EPG5: variants seen among roughly 807,000 people sequenced by gnomAD.
The protein encoded by EPG5 is ectopic P granules protein 5 homolog.
A neutral mutation model predicts 302.7 loss-of-function variants in EPG5; 159 were observed. The ratio of observed to expected loss-of-function variants is 0.53; its 90% CI spans 0.46 to 0.60. The LOEUF (loss-of-function observed/expected upper bound fraction) is 0.60. Ranked by LOEUF, EPG5 falls within the 20% of genes least tolerant of loss-of-function variation. The probability of loss-of-function intolerance (pLI) is 0.00; values close to 1 mark genes in which losing one functional copy is unlikely to be tolerated. For missense variants in EPG5, 2,896 were observed against 3,092.4 expected (o/e 0.94, Z 1.51); for synonymous variants, 1,158 against 1,136.8 (o/e 1.02, Z -0.37).
intron 11 of EPG5, among the ~76,000 whole-genome samples, chr18:45,932,946 C>T (rs1372674656): frequency 2.6e-5 from 4 of 151,822 alleles, no homozygotes; most frequent in Non-Finnish European, 5.9e-5. Context: ...AGCTGTTTGA[C>T]ATCGGCTCCA....
intron 2 of EPG5, 65 bp downstream of exon 2, chr18:45,954,329 G>T: frequency 1.4e-6 from 2 of 1,441,754 alleles, no homozygotes; most frequent in Non-Finnish European, 1.9e-6. Context: ...ACAGACTCCA[G>T]ACCTGGACAA....
At chr18:45,802,306 A>G in the EPG5 span, among the ~76,000 whole-genome samples, 11 of 152,138 alleles carry the variant, frequency 7.2e-5, no homozygotes, top group African/African-American at 2.2e-4. Context: ...GGATCATTTG[A>G]GGTCAGGAGT....
intron 43 of EPG5, among the ~76,000 whole-genome samples, chr18:45,854,399 TCTGAGCAC>T (rs1271448640): frequency 6.6e-6 from 1 of 152,182 alleles, no homozygotes; most frequent in Non-Finnish European, 1.5e-5. Context: ...GTGTTCAAGC[TCTGAGCAC>T]TTACAGAGAC....
rs117393635 is a variant in EPG5 at position 45,857,661 on chromosome 18, A to G, written c.7442+192T>C. The G allele has an allele frequency of 0.02, 11,168 of 554,876 alleles. 155 individuals carry two copies. Among genetic ancestry groups the G allele is most frequent in the Non-Finnish European group, 0.028 (8,780 of 315,904 alleles). The allele number at this position is 554,876 out of a possible 1,614,324, so 34.4% of individuals were successfully genotyped here. A position where few individuals can be genotyped will look rare whatever the true frequency, so the allele number is the denominator to read the frequency against. On this transcript the variant is annotated intron_variant, in intron 42 of 43. Transcript: ENST00000282041. Reference sequence around the variant, plus strand: ...AAAATTTTTTTTAAAGGTAAGAAAAAATAAAAATGCTTTTTAGAATGTAAA... The same window carrying G: ...AAAATTTTTTTTAAAGGTAAGAAAAGATAAAAATGCTTTTTAGAATGTAAA...
the EPG5 span, chr18:45,840,217 T>G: frequency 1.2e-6 from 2 of 1,613,126 alleles, no homozygotes; most frequent in Non-Finnish European, 1.7e-6. Flanking sequence ...ACAGAGCATC[T>G]GGACACCCCG....
chr18:45,953,366 A>G (rs2050954400), intron 2 of EPG5: 1 of 985,190 alleles, frequency 1.0e-6, no homozygotes, highest in African/African-American at 1.7e-5. Flanking sequence ...AAGAGAATAC[A>G]CACTCCACCA....
At chr18:45,921,740 C>T (rs1393691664) in intron 16 of EPG5, among the ~76,000 whole-genome samples, 1 of 151,978 alleles carries the variant, frequency 6.6e-6, no homozygotes, top group Admixed American at 6.6e-5. Flanking sequence ...CATGTTCTCA[C>T]TCATAGGTGG....
At chr18:45,908,735 G>A (rs1454425799) in intron 23 of EPG5, among the ~76,000 whole-genome samples, 1 of 152,184 alleles carries the variant, frequency 6.6e-6, no homozygotes, top group African/African-American at 2.4e-5. Context: ...CGGATCACAA[G>A]GTCAGGAGTT....
the EPG5 span, among the ~76,000 whole-genome samples, chr18:45,804,031 A>T: frequency 6.6e-6 from 1 of 152,218 alleles, no homozygotes; most frequent in South Asian, 2.1e-4. Context: ...AATTCTTACT[A>T]TACTAAATGA....
chr18:45,925,888 C>A lies in EPG5; in HGVS notation c.2568G>T (p.Leu856Phe). The change falls in exon 14 of 44, where the codon TTG (leucine) becomes TTT (phenylalanine). Residue 856 changes from leucine to phenylalanine, a missense_variant. Around this residue, in one of 5 missense-constraint regions of EPG5, gnomAD observed 1,390 missense variants for 1,430.0 expected, o/e 0.97. Transcript: ENST00000282041. ...AAAGATACAAAGGCAGTTCTTTAAA[C>A]AAGTATAGAGAAACCTTATTAAAAA... ...IDQVGMVSLY[L>F]FKELPLYLWQ... The A allele has an allele frequency of 2.0e-6, 3 of 1,485,290 alleles. No individual in the cohort carries two copies. Among genetic ancestry groups the A allele is most frequent in the Non-Finnish European group, 2.7e-6 (3 of 1,117,680 alleles). 92.0% of individuals were successfully genotyped at this position (1,485,290 alleles called of 1,614,324 possible). A position where few individuals can be genotyped will look rare whatever the true frequency, so the allele number is the denominator to read the frequency against.
the EPG5 span, chr18:45,825,709 G>C: frequency 6.2e-7 from 1 of 1,614,126 alleles, no homozygotes; most frequent in Non-Finnish European, 8.5e-7. Context: ...TCTGGCCTGG[G>C]GTGTTCAGAT....
chr18:45,810,414 A>C, the EPG5 span, among the ~76,000 whole-genome samples: 1 of 152,216 alleles, frequency 6.6e-6, no homozygotes, highest in Admixed American at 6.5e-5. Context: ...AAAACCAAAA[A>C]AGAAAACTAC....
intron 25 of EPG5, among the ~76,000 whole-genome samples, chr18:45,902,753 G>A (rs1233232911): frequency 2.0e-5 from 3 of 152,116 alleles, no homozygotes; most frequent in Non-Finnish European, 2.9e-5. Context: ...GAAGTACAAG[G>A]TATCACCAGA....
Position 45,899,436 on chromosome 18 carries a change from T to C in EPG5, c.4777A>G (p.Lys1593Glu), listed in dbSNP as rs2049554419. Residue 1593 changes from lysine (K) to glutamate (E), a missense_variant, in exon 27 of 44, where the codon AAA becomes GAA. Lys to Glu is a moderately conservative substitution (Grantham distance 56). Transcript: ENST00000282041. ...GTGACAACTGCGGCTCCTTGGCATTTCTTACCGCTGCTGCCTCTGCACTCC... is the reference window on the plus strand; with the variant it reads ...GTGACAACTGCGGCTCCTTGGCATTCCTTACCGCTGCTGCCTCTGCACTCC... ...HLECRGSSGK[K>E]CQGAAVVTVQ... 2.5e-6 allele frequency: 4 copies of C among 1,614,206 alleles called. No individual in the cohort carries two copies. In the Admixed American group the frequency reaches 6.7e-5, roughly 27 times the overall value.
At chr18:45,838,785 T>TGC in the EPG5 span, 313 of 1,567,322 alleles carry the variant, frequency 2.0e-4, 1 homozygote, top group Middle Eastern at 1.0e-3. Flanking sequence ...CGCTCTGCAC[T>TGC]GCCGAAGGGG....
chr18:45,923,891 G>A (rs553021521), intron 14 of EPG5, among the ~76,000 whole-genome samples: 2 of 152,124 alleles, frequency 1.3e-5, no homozygotes, highest in East Asian at 1.9e-4. Flanking sequence ...AGCCAAGTAC[G>A]GTGGTGCACG....
chr18:45,839,546 A>G, the EPG5 span, among the ~76,000 whole-genome samples: 1 of 152,122 alleles, frequency 6.6e-6, no homozygotes, highest in Non-Finnish European at 1.5e-5. Context: ...CGGTAGACAG[A>G]TCATTGCAAT....
chr18:45,877,607 G>C (rs1218306344), intron 34 of EPG5, among the ~76,000 whole-genome samples: 1 of 152,132 alleles, frequency 6.6e-6, no homozygotes, highest in East Asian at 1.9e-4. Context: ...CAAACATTCA[G>C]AACCTTTTAT....
At chr18:45,845,525 GCTGC>G (rs1249014065), downstream of EPG5, among the ~76,000 whole-genome samples, 2 of 152,198 alleles carry the variant, frequency 1.3e-5, no homozygotes, top group African/African-American at 2.4e-5. Context: ...GTGGAGCAGA[GCTGC>G]CTGTCTTCCC....
Sources: allele counts gnomAD v4.1 joint callset (sites outside exome capture counted in the v4.1 genomes callset), GRCh38; gene constraint gnomAD v4.1.1; regional missense constraint gnomAD v4.1.1; transcripts MANE v1.5; gene names NCBI Gene and HGNC (gene_info 2026-07-23, HGNC 2026-07-21).